The following OPCML variants were observed in gnomAD, a reference collection of about 807,000 sequenced individuals.
OPCML encodes the protein opioid binding protein/cell adhesion molecule like.
OPCML carries 13 observed loss-of-function variants against 37.8 expected under a neutral mutation model. The observed-to-expected ratio is 0.34, with a 90% confidence interval of 0.22 to 0.55. OPCML has a LOEUF of 0.55. Ranked by LOEUF, OPCML falls within the 20% of genes least tolerant of loss-of-function variation. The pLI is 0.91. For synonymous variants in OPCML, 176 were observed against 168.8 expected (o/e 1.04, Z -0.33); for missense variants, 341 against 435.6 (o/e 0.78, Z 1.93).
intron 1 of OPCML, among the ~76,000 whole-genome samples, chr11:133,268,483 T>C (rs1436384203): frequency 1.3e-5 from 2 of 152,228 alleles, no homozygotes; most frequent in Non-Finnish European, 1.5e-5. Flanking sequence ...TTAATTTAGA[T>C]AACACCATGT....
At chr11:132,753,081 G>A (rs1012279236) in intron 2 of OPCML, among the ~76,000 whole-genome samples, 4 of 151,868 alleles carry the variant, frequency 2.6e-5, no homozygotes, top group African/African-American at 9.7e-5. Flanking sequence ...TAAATTCCAT[G>A]GTCACCTTCC....
intron 4 of OPCML, among the ~76,000 whole-genome samples, chr11:132,515,049 A>G (rs1164504295): frequency 5.3e-5 from 8 of 152,196 alleles, no homozygotes; most frequent in Non-Finnish European, 2.9e-5. Flanking sequence ...TTAGACTGCA[A>G]TGGTGTGAAG....
At chr11:133,454,813 G>A (rs1946644376) in intron 1 of OPCML, among the ~76,000 whole-genome samples, 1 of 152,158 alleles carries the variant, frequency 6.6e-6, no homozygotes, top group South Asian at 2.1e-4. Flanking sequence ...AATGCATCAT[G>A]ATGGAAAGGA....
intron 7 of OPCML, among the ~76,000 whole-genome samples, chr11:132,420,738 A>G (rs1190255435): frequency 1.3e-5 from 2 of 152,174 alleles, no homozygotes; most frequent in Non-Finnish European, 2.9e-5. Context: ...GGATGGAGAC[A>G]TAAGTCCAAG....
chr11:132,685,680 C>A (rs1943135297), intron 2 of OPCML, among the ~76,000 whole-genome samples: 1 of 152,154 alleles, frequency 6.6e-6, no homozygotes, highest in Admixed American at 6.5e-5. Flanking sequence ...CTCCCCCCAT[C>A]TTTTATTCAG....
At chr11:132,853,114 T>C (rs1231403342) in intron 2 of OPCML, among the ~76,000 whole-genome samples, 1 of 152,188 alleles carries the variant, frequency 6.6e-6, no homozygotes, top group East Asian at 1.9e-4. Flanking sequence ...TTATTCAGAA[T>C]TGGTATCTTG....
chr11:132,848,577 A>G (rs1941659083), intron 2 of OPCML, among the ~76,000 whole-genome samples: 1 of 152,208 alleles, frequency 6.6e-6, no homozygotes, highest in Non-Finnish European at 1.5e-5. Flanking sequence ...ACTTACCCAT[A>G]ATTTTTGTTA....
chr11:133,321,440 G>A (rs938306178), intron 1 of OPCML, among the ~76,000 whole-genome samples: 1 of 152,114 alleles, frequency 6.6e-6, no homozygotes, highest in Non-Finnish European at 1.5e-5. Context: ...AAGATAGATC[G>A]TATCAGACTG....
chr11:133,357,855 C>T (rs966447183), intron 1 of OPCML, among the ~76,000 whole-genome samples: 40 of 152,290 alleles, frequency 2.6e-4, no homozygotes, highest in African/African-American at 9.4e-4. Context: ...CAAATCCCTT[C>T]AAAACAACCA....
intron 3 of OPCML, among the ~76,000 whole-genome samples, chr11:132,581,492 C>T (rs1405239598): frequency 1.3e-5 from 2 of 152,144 alleles, no homozygotes; most frequent in Non-Finnish European, 2.9e-5. Context: ...CTGTATCTCA[C>T]CTACTTTGTT....
chr11:133,516,060 C>T lies in OPCML; in HGVS notation c.61+16204G>A, dbSNP rs143722299. ...TAAGGACAGGTCTACGTGTGCAGGG[C>T]GCTTATCGGGAGAAACAACTGGGAG... On this transcript the variant is annotated intron_variant, in intron 1 of 7. Transcript: ENST00000524381. Among the ~76,000 whole-genome samples, 1,050 of 152,116 alleles carry T rather than the reference C, an allele frequency of 6.9e-3. 8 individuals are homozygous for T. The highest frequency in any genetic ancestry group is 0.017 in the Middle Eastern group (5 of 294).
At chr11:132,560,927 C>T (rs1357459294) in intron 3 of OPCML, among the ~76,000 whole-genome samples, 1 of 152,056 alleles carries the variant, frequency 6.6e-6, no homozygotes, top group Non-Finnish European at 1.5e-5. Context: ...TAATTAAGTC[C>T]TATCTATTTA....
intron 1 of OPCML, among the ~76,000 whole-genome samples, chr11:133,202,172 C>T (rs79890275): frequency 6.6e-6 from 1 of 152,136 alleles, no homozygotes; most frequent in African/African-American, 2.4e-5. Context: ...GGTAACGTTG[C>T]CCAGAGGTCT....
intron 1 of OPCML, among the ~76,000 whole-genome samples, chr11:133,488,004 C>T (rs1947566944): frequency 6.6e-6 from 1 of 151,642 alleles, no homozygotes; most frequent in Admixed American, 6.6e-5. Context: ...ATCGCATAAA[C>T]AAAAAAGGAT....
intron 3 of OPCML, among the ~76,000 whole-genome samples, chr11:132,606,554 C>A (rs1938307960): frequency 1.3e-5 from 2 of 152,096 alleles, no homozygotes; most frequent in Admixed American, 1.3e-4. Context: ...AGGGCTGCCA[C>A]CACCCCCGTC....
chr11:132,914,305 T>C (rs1944535575), intron 2 of OPCML, among the ~76,000 whole-genome samples: 1 of 152,238 alleles, frequency 6.6e-6, no homozygotes, highest in South Asian at 2.1e-4. Flanking sequence ...CAATATCGCT[T>C]GATCCATTCT....
chr11:132,437,392 G>A (rs1282632513), intron 4 of OPCML, 33 bp from the exon 5 acceptor site: 1 of 1,610,266 alleles, frequency 6.2e-7, no homozygotes, highest in African/African-American at 1.3e-5. Flanking sequence ...GAAACAATCA[G>A]GAAACTGTGT....
At chr11:133,298,597 CTG>C (rs1420461975) in intron 1 of OPCML, 1 of 152,154 alleles carries the variant, frequency 6.6e-6, no homozygotes, top group Non-Finnish European at 1.5e-5. Context: ...AAAGGAATAA[CTG>C]TGTCAGAGAA....
chr11:133,166,631 C>T (rs905696286), intron 1 of OPCML, among the ~76,000 whole-genome samples: 5 of 152,164 alleles, frequency 3.3e-5, no homozygotes, highest in East Asian at 1.9e-4. Context: ...CATAGGTGTG[C>T]GATGCATGCC....
Sources: gnomAD v4.1 joint callset for allele counts (sites outside exome capture counted in the v4.1 genomes callset) on GRCh38, gnomAD v4.1.1 for gene constraint, MANE v1.5 for transcripts, NCBI Gene and HGNC (gene_info 2026-07-23, HGNC 2026-07-21) for gene names.